ADSS2: variants seen among roughly 807,000 people sequenced by gnomAD.
The protein encoded by ADSS2 is adenylosuccinate synthetase isozyme 2.
Under a neutral mutation model 60.0 loss-of-function variants are expected in ADSS2, and 30 were observed. The observed-to-expected ratio is 0.50, with a 90% CI of 0.37 to 0.68. The LOEUF (loss-of-function observed/expected upper bound fraction) is 0.68, where lower values mean the gene tolerates loss of function less well. ADSS2 is among the 30% of genes least tolerant of loss of function. The pLI is 0.00. For synonymous variants in ADSS2, 187 were observed against 193.1 expected, an observed-to-expected ratio of 0.97 and a Z score of 0.26; for missense variants, 373 against 554.8, an observed-to-expected ratio of 0.67 and a Z score of 3.29.
At chr1:244,410,412 C>T (rs558213379) in intron 12 of ADSS2, among the ~76,000 whole-genome samples, 2 of 152,306 alleles carry the variant, frequency 1.3e-5, no homozygotes, top group South Asian at 4.1e-4. Context: ...AATGACTTCA[C>T]ATAACTAGAT....
chr1:244,444,297 C>T (rs1365731259), intron 1 of ADSS2, among the ~76,000 whole-genome samples: 2 of 151,304 alleles, frequency 1.3e-5, no homozygotes, highest in Admixed American at 6.6e-5. Flanking sequence ...GGGCGGATCA[C>T]GAGGTCAGGA....
At chr1:244,427,401 A>G (rs1664831694) in intron 4 of ADSS2, among the ~76,000 whole-genome samples, 1 of 152,162 alleles carries the variant, frequency 6.6e-6, no homozygotes, top group Non-Finnish European at 1.5e-5. Context: ...AAAATGTTCA[A>G]TCGAAAAGAA....
At chr1:244,431,113 T>C (rs1664932966) in intron 4 of ADSS2, among the ~76,000 whole-genome samples, 1 of 151,676 alleles carries the variant, frequency 6.6e-6, no homozygotes, top group South Asian at 2.1e-4. Flanking sequence ...AGTGAGACTC[T>C]GTCTAAAAAA....
At chr1:244,441,646 CCA>C in intron 1 of ADSS2, among the ~76,000 whole-genome samples, 1 of 152,010 alleles carries the variant, frequency 6.6e-6, no homozygotes, top group Non-Finnish European at 1.5e-5. Context: ...CTAACTACAA[CCA>C]GTTTATTTTT....
chr1:244,447,528 G>A (rs1665424376), intron 1 of ADSS2, among the ~76,000 whole-genome samples: 1 of 152,138 alleles, frequency 6.6e-6, no homozygotes, highest in South Asian at 2.1e-4. Flanking sequence ...GAGATTTACT[G>A]TCCTCAGCGG....
chr1:244,434,342 G>A (rs1323122094), intron 3 of ADSS2, among the ~76,000 whole-genome samples: 3 of 150,000 alleles, frequency 2.0e-5, no homozygotes, highest in African/African-American at 4.9e-5. Context: ...GACAGAGCAA[G>A]ACCATGTCTC....
chr1:244,415,074 G>C (rs916348097), intron 11 of ADSS2, among the ~76,000 whole-genome samples: 1 of 152,172 alleles, frequency 6.6e-6, no homozygotes, highest in African/African-American at 2.4e-5. Context: ...CACATGAAAT[G>C]GACAAGTTTT....
intron 1 of ADSS2, among the ~76,000 whole-genome samples, chr1:244,450,008 C>T (rs1329182210): frequency 1.3e-5 from 2 of 152,172 alleles, no homozygotes; most frequent in Non-Finnish European, 2.9e-5. Context: ...TTGTGTTCTC[C>T]AAACCTTCTT....
chr1:244,432,633 T>TTCCCAGCCTTCTA, intron 3 of ADSS2, 38 bp from the exon 4 acceptor site: 1 of 1,333,920 alleles, frequency 7.5e-7, no homozygotes, highest in Non-Finnish European at 1.0e-6. Context: ...TTGAATATTT[T>TTCCCAGCCTTCTA]GTATAGCAGT....
At chr1:244,439,186 A>G (rs1665175133) in intron 1 of ADSS2, among the ~76,000 whole-genome samples, 1 of 152,154 alleles carries the variant, frequency 6.6e-6, no homozygotes, top group Admixed American at 6.5e-5. Context: ...ACGTAACATA[A>G]TGACCTCCAG....
At chr1:244,450,337 T>C (rs1665512610) in intron 1 of ADSS2, among the ~76,000 whole-genome samples, 1 of 152,118 alleles carries the variant, frequency 6.6e-6, no homozygotes. Flanking sequence ...GGAGAGGTGG[T>C]AGTGACAGTT....
At chr1:244,439,923 A>G (rs1419265692) in intron 1 of ADSS2, among the ~76,000 whole-genome samples, 1 of 152,172 alleles carries the variant, frequency 6.6e-6, no homozygotes, top group Non-Finnish European at 1.5e-5. Flanking sequence ...TTCTACTGTG[A>G]CAAGGGCAGC....
intron 11 of ADSS2, among the ~76,000 whole-genome samples, chr1:244,413,994 C>T (rs1664474718): frequency 6.6e-6 from 1 of 152,102 alleles, no homozygotes; most frequent in African/African-American, 2.4e-5. Flanking sequence ...ATCCTGGAAA[C>T]TGACTCATAC....
At chr1:244,433,808 C>G (rs1195235524) in intron 3 of ADSS2, among the ~76,000 whole-genome samples, 1 of 141,820 alleles carries the variant, frequency 7.1e-6, no homozygotes, top group Non-Finnish European at 1.5e-5. Context: ...TGCAGTGAGC[C>G]AAGATTGTGC....
At chr1:244,418,464 G>A (rs1664587791) in intron 9 of ADSS2, among the ~76,000 whole-genome samples, 1 of 152,088 alleles carries the variant, frequency 6.6e-6, no homozygotes, top group Non-Finnish European at 1.5e-5. Context: ...GGGACTACAG[G>A]TGCATGCCAC....
At chr1:244,433,924 C>G (rs1389453560) in intron 3 of ADSS2, among the ~76,000 whole-genome samples, 1 of 143,878 alleles carries the variant, frequency 7.0e-6, no homozygotes, top group Non-Finnish European at 1.5e-5. Flanking sequence ...TTCTAAAGTA[C>G]TACTGTCAAT....
intron 7 of ADSS2, among the ~76,000 whole-genome samples, chr1:244,422,631 C>T (rs535618287): frequency 1.6e-4 from 24 of 152,338 alleles, no homozygotes; most frequent in African/African-American, 5.8e-4. Context: ...TGGACTCTGT[C>T]TCCTTTACTT....
chr1:244,428,371 T>C (rs1269143917), intron 4 of ADSS2, among the ~76,000 whole-genome samples: 2 of 152,172 alleles, frequency 1.3e-5, no homozygotes, highest in Non-Finnish European at 2.9e-5. Context: ...ATAGAAATTA[T>C]GTTATTTTGA....
At chr1:244,429,284 A>C (rs946665033) in intron 4 of ADSS2, among the ~76,000 whole-genome samples, 10 of 152,234 alleles carry the variant, frequency 6.6e-5, no homozygotes, top group African/African-American at 2.4e-4. Context: ...ACTACGCTCC[A>C]TATCACCCAG....
Sources: gnomAD v4.1 joint callset for allele counts (sites outside exome capture counted in the v4.1 genomes callset) on GRCh38, gnomAD v4.1.1 for gene constraint, MANE v1.5 for transcripts, NCBI Gene and HGNC (gene_info 2026-07-23, HGNC 2026-07-21) for gene names.